CNTNAP5: variants seen among roughly 807,000 people sequenced by gnomAD.
CNTNAP5 encodes the protein contactin associated protein family member 5, also known as contactin-associated protein-like 5.
Under a neutral mutation model 150.2 loss-of-function variants are expected in CNTNAP5, and 72 were observed. The ratio of observed to expected loss-of-function variants is 0.48; its 90% CI spans 0.40 to 0.58. The LOEUF is 0.58. Ranked by LOEUF, CNTNAP5 falls within the 20% of genes least tolerant of loss-of-function variation. The pLI is 0.00. For synonymous variants in CNTNAP5, 672 were observed against 619.8 expected, an observed-to-expected ratio of 1.08 and a Z score of -1.25; for missense variants, 1,636 against 1,626.2, an observed-to-expected ratio of 1.01 and a Z score of -0.10.
At chr2:124,156,129 T>C (rs1482594431) in intron 1 of CNTNAP5, among the ~76,000 whole-genome samples, 1 of 152,204 alleles carries the variant, frequency 6.6e-6, no homozygotes, top group Non-Finnish European at 1.5e-5. Flanking sequence ...GTAATCTTGA[T>C]TTCGTAAAAG....
At chr2:124,082,320 G>A (rs1682576674) in intron 1 of CNTNAP5, among the ~76,000 whole-genome samples, 1 of 130,450 alleles carries the variant, frequency 7.7e-6, no homozygotes, top group Non-Finnish European at 1.5e-5. Flanking sequence ...CTGCACTCTA[G>A]CCTGGGCAAC....
intron 11 of CNTNAP5, among the ~76,000 whole-genome samples, chr2:124,591,615 T>C (rs1241520351): frequency 6.6e-6 from 1 of 152,150 alleles, no homozygotes; most frequent in East Asian, 1.9e-4. Flanking sequence ...GTCACCATGT[T>C]GCACCCTTGT....
intron 1 of CNTNAP5, among the ~76,000 whole-genome samples, chr2:124,164,706 A>T (rs1248725969): frequency 6.6e-6 from 1 of 152,174 alleles, no homozygotes; most frequent in Non-Finnish European, 1.5e-5. Flanking sequence ...AGGACAGATT[A>T]CACAGGGCCA....
At chr2:124,211,348 A>G (rs1686004833) in intron 1 of CNTNAP5, among the ~76,000 whole-genome samples, 1 of 152,296 alleles carries the variant, frequency 6.6e-6, no homozygotes, top group East Asian at 1.9e-4. Flanking sequence ...ATGAATTGTC[A>G]CTTTTTGTTC....
chr2:124,126,747 G>A (rs1482206974), intron 1 of CNTNAP5, among the ~76,000 whole-genome samples: 1 of 152,122 alleles, frequency 6.6e-6, no homozygotes, highest in Non-Finnish European at 1.5e-5. Context: ...ATACAACGCT[G>A]GTTCAACATA....
At chr2:124,847,272 G>C (rs1683069067) in intron 19 of CNTNAP5, among the ~76,000 whole-genome samples, 1 of 152,098 alleles carries the variant, frequency 6.6e-6, no homozygotes, top group African/African-American at 2.4e-5. Context: ...CCTCTCTTTG[G>C]GCAGGGCTTG....
intron 13 of CNTNAP5, among the ~76,000 whole-genome samples, chr2:124,693,138 AT>A (rs200191167): frequency 4.0e-5 from 6 of 151,346 alleles, no homozygotes; most frequent in Admixed American, 1.3e-4. Flanking sequence ...TGGCTTCACT[AT>A]TTTTTTTTCC....
chr2:124,296,740 A>C (rs1227996319), intron 3 of CNTNAP5, among the ~76,000 whole-genome samples: 1 of 152,224 alleles, frequency 6.6e-6, no homozygotes, highest in Non-Finnish European at 1.5e-5. Flanking sequence ...TAAAAAAATG[A>C]ATATCATCCC....
intron 3 of CNTNAP5, among the ~76,000 whole-genome samples, chr2:124,273,564 A>T (rs1293361610): frequency 6.6e-6 from 1 of 152,158 alleles, no homozygotes; most frequent in Non-Finnish European, 1.5e-5. Context: ...GACAGAACAT[A>T]TACACGGTGT....
intron 13 of CNTNAP5, among the ~76,000 whole-genome samples, chr2:124,659,649 G>A (rs551356780): frequency 1.3e-5 from 2 of 152,092 alleles, no homozygotes; most frequent in African/African-American, 4.8e-5. Context: ...TAGTTAACAT[G>A]TTGACCTAAC....
intron 13 of CNTNAP5, among the ~76,000 whole-genome samples, chr2:124,741,016 C>T (rs1680487021): frequency 6.6e-6 from 1 of 152,146 alleles, no homozygotes; most frequent in Non-Finnish European, 1.5e-5. Flanking sequence ...GGGTTTACTC[C>T]ACCCCTAAAC....
chr2:124,107,352 G>T (rs1683191750), intron 1 of CNTNAP5, among the ~76,000 whole-genome samples: 1 of 152,138 alleles, frequency 6.6e-6, no homozygotes. Context: ...TGAACTTTTT[G>T]TCTCCCAGAA....
At chr2:124,576,852 G>A (rs1451514611) in intron 11 of CNTNAP5, among the ~76,000 whole-genome samples, 1 of 152,108 alleles carries the variant, frequency 6.6e-6, no homozygotes, top group African/African-American at 2.4e-5. Flanking sequence ...TGCCTATATA[G>A]GAAGTGCCTG....
chr2:124,168,431 A>T (rs1684855618), intron 1 of CNTNAP5, among the ~76,000 whole-genome samples: 1 of 152,190 alleles, frequency 6.6e-6, no homozygotes, highest in South Asian at 2.1e-4. Flanking sequence ...GCATAAGCTC[A>T]ATGTCCCTTC....
chr2:124,609,595 G>T (rs1019896136), intron 11 of CNTNAP5, among the ~76,000 whole-genome samples: 1 of 152,092 alleles, frequency 6.6e-6, no homozygotes, highest in Non-Finnish European at 1.5e-5. Flanking sequence ...AAAAGAGAGA[G>T]AGAGAGAGAT....
chr2:124,772,745 C>G, intron 16 of CNTNAP5, 54 bp from the exon 17 acceptor site: 1 of 1,414,880 alleles, frequency 7.1e-7, no homozygotes, highest in Non-Finnish European at 1.0e-6. Context: ...AAGCCTGTGC[C>G]TTGAATGAGC....
chr2:124,872,461 A>G (rs1573677934), intron 21 of CNTNAP5, among the ~76,000 whole-genome samples: 1 of 150,372 alleles, frequency 6.7e-6, no homozygotes, highest in South Asian at 2.1e-4. Flanking sequence ...AATTTGTGAC[A>G]ACTCTAAGGA....
intron 19 of CNTNAP5, among the ~76,000 whole-genome samples, chr2:124,837,425 G>A (rs1422549040): frequency 1.3e-5 from 2 of 152,088 alleles, no homozygotes; most frequent in Non-Finnish European, 2.9e-5. Flanking sequence ...TTAATTTGAA[G>A]CACCTTAGTG....
chr2:124,195,317 G>A (rs1295781540), intron 1 of CNTNAP5, among the ~76,000 whole-genome samples: 1 of 152,144 alleles, frequency 6.6e-6, no homozygotes, highest in Non-Finnish European at 1.5e-5. Context: ...GAACACTACT[G>A]AGAATACTCA....
Sources: gnomAD v4.1 joint callset for allele counts (sites outside exome capture counted in the v4.1 genomes callset) on GRCh38, gnomAD v4.1.1 for gene constraint, MANE v1.5 for transcripts, NCBI Gene and HGNC (gene_info 2026-07-23, HGNC 2026-07-21) for gene names.